MAPK10: variants seen among roughly 807,000 people sequenced by gnomAD.
The protein encoded by MAPK10 is JNK3 alpha protein kinase.
A neutral mutation model predicts 59.3 loss-of-function variants in MAPK10; 25 were observed. That is an observed-to-expected ratio of 0.42 (90% confidence interval 0.31 to 0.59). The LOEUF (loss-of-function observed/expected upper bound fraction) is 0.59, where lower values mean the gene tolerates loss of function less well. MAPK10 is among the 20% of genes least tolerant of loss of function. The pLI is 0.15. For synonymous variants in MAPK10, 190 were observed against 200.5 expected, an observed-to-expected ratio of 0.95 and a Z score of 0.44; for missense variants, 351 against 568.9, an observed-to-expected ratio of 0.62 and a Z score of 3.90.
intron 2 of MAPK10, among the ~76,000 whole-genome samples, chr4:86,271,561 G>A (rs1410595046): frequency 1.3e-5 from 2 of 151,906 alleles, no homozygotes; most frequent in Non-Finnish European, 2.9e-5. Context: ...TAGTGAGCAT[G>A]ATGCCTGTAT....
rs144099754 is a variant in MAPK10, at chr4:86,585,657, G to A, written c.-263+8253C>T. ...AGCTGAAGAACTACTCATCCTAATCGTTTCAGCTCTCTAAGACAAATTTCC... is the reference window on the plus strand; with the variant it reads ...AGCTGAAGAACTACTCATCCTAATCATTTCAGCTCTCTAAGACAAATTTCC... On this transcript the variant is annotated intron_variant, in intron 1 of 4. Transcript: ENST00000502302. Among the ~76,000 whole-genome samples, 13 of 152,218 alleles carry A rather than the reference G, an allele frequency of 8.5e-5. No homozygotes were observed. The East Asian group carries it at 1.9e-3, about 23-fold the overall frequency.
chr4:86,428,213 G>A (rs974201038), intron 1 of MAPK10, among the ~76,000 whole-genome samples: 3 of 151,636 alleles, frequency 2.0e-5, no homozygotes, highest in East Asian at 1.9e-4. Context: ...GTACAATAAC[G>A]GCTCACTGCA....
At chr4:86,193,392 G>C (rs1444330049) in intron 3 of MAPK10, 1 of 152,264 alleles carries the variant, frequency 6.6e-6, no homozygotes, top group Non-Finnish European at 1.5e-5. Context: ...AGGGAGATAG[G>C]AGTTTCATCT....
intron 2 of MAPK10, among the ~76,000 whole-genome samples, chr4:86,305,987 A>G (rs1459178556): frequency 6.6e-6 from 1 of 152,200 alleles, no homozygotes; most frequent in East Asian, 1.9e-4. Context: ...AATTTGTTTG[A>G]TATTATTGGG....
intron 3 of MAPK10, among the ~76,000 whole-genome samples, chr4:86,165,478 A>C (rs138216300): frequency 6.6e-6 from 1 of 150,744 alleles, no homozygotes; most frequent in African/African-American, 2.4e-5. Context: ...CCTGAGCTCA[A>C]GCAATCTCCC....
intron 2 of MAPK10, among the ~76,000 whole-genome samples, chr4:86,279,860 C>T (rs576931249): frequency 1.1e-4 from 16 of 152,232 alleles, no homozygotes; most frequent in African/African-American, 3.6e-4. Flanking sequence ...CGTTGTTTCC[C>T]GCCCATCTTC....
chr4:86,532,345 T>C (rs983672477), intron 1 of MAPK10, among the ~76,000 whole-genome samples: 3 of 152,128 alleles, frequency 2.0e-5, no homozygotes, highest in Non-Finnish European at 4.4e-5. Flanking sequence ...TCAAGCTCAA[T>C]GACAGTTGAG....
At chr4:86,205,520 A>C (rs985303968) in intron 2 of MAPK10, among the ~76,000 whole-genome samples, 4 of 151,634 alleles carry the variant, frequency 2.6e-5, no homozygotes, top group African/African-American at 9.7e-5. Context: ...AGATAATATA[A>C]GACAAGAAAA....
At chr4:86,461,874 A>C (rs1041858375) in intron 1 of MAPK10, among the ~76,000 whole-genome samples, 1 of 152,224 alleles carries the variant, frequency 6.6e-6, no homozygotes, top group African/African-American at 2.4e-5. Context: ...TCAGGCAGGA[A>C]TTCAGCAAGC....
chr4:86,340,938 C>A (rs949619761), intron 2 of MAPK10, among the ~76,000 whole-genome samples: 1 of 152,158 alleles, frequency 6.6e-6, no homozygotes, highest in Non-Finnish European at 1.5e-5. Context: ...ATGTCCTATA[C>A]AATTTGAATA....
At chr4:86,041,008 G>A (rs1283315407) in intron 11 of MAPK10, 1 of 152,064 alleles carries the variant, frequency 6.6e-6, no homozygotes. Flanking sequence ...ATTCTAATTA[G>A]TGACACAAAA....
At chr4:86,136,748 TAA>T (rs1386543917) in intron 4 of MAPK10, among the ~76,000 whole-genome samples, 23 of 151,432 alleles carry the variant, frequency 1.5e-4, no homozygotes, top group Admixed American at 2.6e-4. Flanking sequence ...GCAAATTGGA[TAA>T]AGAGTCAAGA....
intron 1 of MAPK10, among the ~76,000 whole-genome samples, chr4:86,591,172 C>T (rs947094274): frequency 6.6e-6 from 1 of 152,168 alleles, no homozygotes; most frequent in Non-Finnish European, 1.5e-5. Flanking sequence ...AGCCCTCCTG[C>T]CTTGGCCTTC....
chr4:86,031,046 G>A (rs2148917432), intron 12 of MAPK10, among the ~76,000 whole-genome samples: 1 of 152,210 alleles, frequency 6.6e-6, no homozygotes, highest in East Asian at 1.9e-4. Context: ...ATAGAAAGTT[G>A]TATTCTGGAA....
chr4:86,493,900 C>T (rs1040756954), intron 1 of MAPK10, among the ~76,000 whole-genome samples: 2 of 152,136 alleles, frequency 1.3e-5, no homozygotes, highest in Non-Finnish European at 1.5e-5. Context: ...TGAGAGACAG[C>T]CCAGCCATCT....
intron 1 of MAPK10, among the ~76,000 whole-genome samples, chr4:86,380,260 C>A (rs1279519282): frequency 6.6e-6 from 1 of 152,008 alleles, no homozygotes; most frequent in Non-Finnish European, 1.5e-5. Context: ...AAAAACCCCC[C>A]CAAAAAAACC....
intron 1 of MAPK10, among the ~76,000 whole-genome samples, chr4:86,389,368 A>C (rs1741906600): frequency 6.6e-6 from 1 of 152,228 alleles, no homozygotes; most frequent in Non-Finnish European, 1.5e-5. Context: ...TAGCAGTGCA[A>C]AAATGGATTA....
At chr4:86,473,248 T>A (rs1267253952) in intron 1 of MAPK10, among the ~76,000 whole-genome samples, 1 of 152,228 alleles carries the variant, frequency 6.6e-6, no homozygotes, top group African/African-American at 2.4e-5. Context: ...CCACAAATAC[T>A]GTATTTCTAG....
intron 1 of MAPK10, among the ~76,000 whole-genome samples, chr4:86,426,437 T>C (rs750101447): frequency 4.6e-5 from 7 of 152,214 alleles, no homozygotes; most frequent in Non-Finnish European, 1.0e-4. Flanking sequence ...AATCTGGCCT[T>C]TTCAAGTTTT....
Sources: gnomAD v4.1 joint callset for allele counts (sites outside exome capture counted in the v4.1 genomes callset) on GRCh38, gnomAD v4.1.1 for gene constraint, MANE v1.5 for transcripts, NCBI Gene and HGNC (gene_info 2026-07-23, HGNC 2026-07-21) for gene names.